The following R3HCC1L variants were observed in gnomAD, a reference collection of about 807,000 sequenced individuals.
R3HCC1L encodes the protein R3H domain and coiled-coil containing 1 like, also known as coiled-coil domain-containing protein R3HCC1L.
A neutral mutation model predicts 59.9 loss-of-function variants in R3HCC1L; 51 were observed. That is an observed-to-expected ratio of 0.85 (90% confidence interval 0.68 to 1.07). R3HCC1L has a LOEUF of 1.07. R3HCC1L is among the 50% of genes least tolerant of loss of function. The probability of loss-of-function intolerance (pLI) is 0.00; values close to 1 mark genes in which losing one functional copy is unlikely to be tolerated. For missense variants in R3HCC1L, 965 were observed against 933.0 expected, an observed-to-expected ratio of 1.03 and a Z score of -0.45; for synonymous variants, 322 against 315.2, an observed-to-expected ratio of 1.02 and a Z score of -0.23.
rs181526478 is a variant in R3HCC1L, at chr10:98,201,728, T to C, written c.-14-6373T>C. Among the ~76,000 whole-genome samples, 250 of 152,312 alleles carry C rather than the reference T, an allele frequency of 1.6e-3. 1 individual carries two copies. The highest frequency in any genetic ancestry group is 5.7e-3 in the African/African-American group (239 of 41,582). ...TATGCTATGTCTGGTAAAGGAACTA[T>C]ATGACTTTGTCAGAGAGACAGCTTT... On this transcript the variant is annotated intron_variant, in intron 4 of 9. Transcript: ENST00000298999.
intron 1 of R3HCC1L, among the ~76,000 whole-genome samples, chr10:98,136,572 ACGCCTGTAATC>A (rs1479056652): frequency 6.6e-6 from 1 of 152,218 alleles, no homozygotes; most frequent in Non-Finnish European, 1.5e-5. Context: ...GCGGTGCCTC[ACGCCTGTAATC>A]CTAGCGCTTT....
chr10:98,222,744 C>G (rs1447610392), intron 5 of R3HCC1L, among the ~76,000 whole-genome samples: 1 of 151,922 alleles, frequency 6.6e-6, no homozygotes, highest in Admixed American at 6.6e-5. Flanking sequence ...ATTAATGAAT[C>G]CAGGAGCTGG....
chr10:98,187,512 C>G (rs1850338790), intron 4 of R3HCC1L, among the ~76,000 whole-genome samples: 1 of 152,006 alleles, frequency 6.6e-6, no homozygotes, highest in Non-Finnish European at 1.5e-5. Flanking sequence ...AGTATCAATT[C>G]TTTGATGGTG....
At chr10:98,238,306 T>C (rs1857171681) in intron 9 of R3HCC1L, among the ~76,000 whole-genome samples, 1 of 152,188 alleles carries the variant, frequency 6.6e-6, no homozygotes, top group Non-Finnish European at 1.5e-5. Flanking sequence ...GTTCCCTGTT[T>C]AGGAGAATTA....
At chr10:98,230,158 A>G (rs1025276043) in intron 5 of R3HCC1L, among the ~76,000 whole-genome samples, 3 of 152,196 alleles carry the variant, frequency 2.0e-5, no homozygotes, top group Non-Finnish European at 4.4e-5. Context: ...AAGGAATGGT[A>G]TCAGCTCCTC....
intron 4 of R3HCC1L, among the ~76,000 whole-genome samples, chr10:98,178,397 G>A (rs1849266221): frequency 6.6e-6 from 1 of 152,030 alleles, no homozygotes; most frequent in Admixed American, 6.6e-5. Flanking sequence ...TATTTCTGAG[G>A]CCTCTGTTCT....
intron 4 of R3HCC1L, among the ~76,000 whole-genome samples, chr10:98,170,784 A>G (rs1030894770): frequency 3.3e-5 from 5 of 152,144 alleles, no homozygotes; most frequent in Non-Finnish European, 7.4e-5. Context: ...GGACACATTG[A>G]CCCTCTGTTC....
Position 98,217,770 on chromosome 10 carries a change from T to C in R3HCC1L, c.1785+7871T>C, listed in dbSNP as rs1052688136. Reference sequence around the variant, plus strand: ...ATTTACTCCTAGGTATTTTATTTCATTTTTTGTTTTTATTATAAATGGGAT... The same window carrying C: ...ATTTACTCCTAGGTATTTTATTTCACTTTTTGTTTTTATTATAAATGGGAT... On this transcript the variant is annotated intron_variant, in intron 5 of 9. Coordinates refer to ENST00000298999, the MANE Select transcript of R3HCC1L (RefSeq NM_001351015.2). Among the ~76,000 whole-genome samples, 12 of 152,192 alleles carry C rather than the reference T, an allele frequency of 7.9e-5. No individual in the cohort carries two copies. In the South Asian group the frequency reaches 1.0e-3, roughly 13 times the overall value.
At position 98,151,045 on chromosome 10, in the gene R3HCC1L, G is replaced by A. The variant is rs534397329; in HGVS notation, c.-267-5048G>A. On this transcript the variant is annotated intron_variant, in intron 1 of 9. Coordinates refer to ENST00000298999, the MANE Select transcript of R3HCC1L (RefSeq NM_001351015.2). ...GGGGCATCATGGTTATGGAAGTTCG[G>A]TTTTCCTTTCCTGCTTAGATTTTCT... Among the ~76,000 whole-genome samples the A allele has an allele frequency of 3.3e-5, 5 of 152,222 alleles. 1 individual carries two copies. The South Asian group carries it at 1.0e-3, about 32-fold the overall frequency.
rs377114188 is a variant in R3HCC1L at position 98,191,073 on chromosome 10, T to A, written c.-14-17028T>A. ...TATCATTGATGGACATTTGGGTTGG[T>A]TCCAAGTCTTCGCTATTGTGAATAG... On this transcript the variant is annotated intron_variant, in intron 4 of 9. Transcript: ENST00000298999. Among the ~76,000 whole-genome samples, 11 of 152,170 alleles carry A rather than the reference T, an allele frequency of 7.2e-5. No homozygotes were observed. In the East Asian group the frequency reaches 7.7e-4, roughly 11 times the overall value.
At chr10:98,203,488 C>G (rs1298779679) in intron 4 of R3HCC1L, among the ~76,000 whole-genome samples, 2 of 152,100 alleles carry the variant, frequency 1.3e-5, no homozygotes, top group Non-Finnish European at 2.9e-5. Context: ...AGAATTTGTT[C>G]TAGAAGAATG....
intron 5 of R3HCC1L, among the ~76,000 whole-genome samples, chr10:98,212,206 A>T (rs555949868): frequency 1.3e-5 from 2 of 152,336 alleles, no homozygotes; most frequent in East Asian, 3.9e-4. Flanking sequence ...ATCCAGCAAC[A>T]TTAATAGCCC....
At chr10:98,211,171 A>G in intron 5 of R3HCC1L, 7 of 569,734 alleles carry the variant, frequency 1.2e-5, no homozygotes, top group South Asian at 7.3e-5. Context: ...GTGTTTTTTC[A>G]TAGCTTTCAT....
At chr10:98,223,307 C>T (rs946671922) in intron 5 of R3HCC1L, among the ~76,000 whole-genome samples, 8 of 152,072 alleles carry the variant, frequency 5.3e-5, no homozygotes, top group African/African-American at 1.2e-4. Flanking sequence ...ACTGGCAAAA[C>T]GAATGCAGCA....
Position 98,175,465 on chromosome 10 carries a change from A to T in R3HCC1L, c.-15+12068A>T, listed in dbSNP as rs531660874. Among the ~76,000 whole-genome samples, 8 of 152,280 alleles carry T rather than the reference A, an allele frequency of 5.3e-5. No individual in the cohort carries two copies. The South Asian group carries it at 1.7e-3, about 32-fold the overall frequency. On this transcript the variant is annotated intron_variant, in intron 4 of 9. Transcript: ENST00000298999. ...CCAAAAAATTCCCTTGTCACTTTAT[A>T]GTCAGCCCCTTACCTGACCCCAAGC... is the stretch of plus-strand genomic sequence containing the variant.
intron 4 of R3HCC1L, among the ~76,000 whole-genome samples, chr10:98,171,205 A>G (rs1848476102): frequency 1.3e-5 from 2 of 152,228 alleles, no homozygotes; most frequent in South Asian, 4.1e-4. Context: ...TTGCCACTTA[A>G]TATCTGTGTA....
chr10:98,159,395 G>C (rs1027960156), intron 2 of R3HCC1L, among the ~76,000 whole-genome samples: 2 of 152,064 alleles, frequency 1.3e-5, no homozygotes, highest in African/African-American at 4.8e-5. Context: ...ATAGCTTAGT[G>C]GCATTATATT....
chr10:98,142,735 G>A (rs1042083763), intron 1 of R3HCC1L, among the ~76,000 whole-genome samples: 1 of 152,024 alleles, frequency 6.6e-6, no homozygotes, highest in Non-Finnish European at 1.5e-5. Context: ...AGGAATTTGA[G>A]ACTAGCCTGG....
At chr10:98,171,068 T>C (rs1008521951) in intron 4 of R3HCC1L, among the ~76,000 whole-genome samples, 3 of 152,310 alleles carry the variant, frequency 2.0e-5, no homozygotes, top group Non-Finnish European at 4.4e-5. Flanking sequence ...CACATAGGCA[T>C]GCACACAACA....
Sources: gnomAD v4.1 joint callset for allele counts (sites outside exome capture counted in the v4.1 genomes callset) on GRCh38, gnomAD v4.1.1 for gene constraint, MANE v1.5 for transcripts, NCBI Gene and HGNC (gene_info 2026-07-23, HGNC 2026-07-21) for gene names.